Variants in CCSER1 observed in about 807,000 individuals in gnomAD.
CCSER1 encodes the protein serine-rich coiled-coil domain-containing protein 1.
A neutral mutation model predicts 82.0 loss-of-function variants in CCSER1; 41 were observed. The ratio of observed to expected loss-of-function variants is 0.50; its 90% CI spans 0.39 to 0.65. The LOEUF is 0.65. Ranked by LOEUF, CCSER1 falls within the 30% of genes least tolerant of loss-of-function variation. The probability of loss-of-function intolerance (pLI) is 0.00; values close to 1 mark genes in which losing one functional copy is unlikely to be tolerated. For missense variants in CCSER1, 1,119 were observed against 1,064.2 expected (o/e 1.05, Z -0.72); for synonymous variants, 414 against 383.9 (o/e 1.08, Z -0.92).
At chr4:90,574,987 A>G (rs1780579396) in intron 5 of CCSER1, among the ~76,000 whole-genome samples, 1 of 151,444 alleles carries the variant, frequency 6.6e-6, no homozygotes, top group African/African-American at 2.4e-5. Flanking sequence ...CTTGTTTTTT[A>G]CTATTTTCTC....
At chr4:90,993,451 C>T (rs897136924) in intron 9 of CCSER1, among the ~76,000 whole-genome samples, 5 of 150,236 alleles carry the variant, frequency 3.3e-5, no homozygotes, top group Non-Finnish European at 7.4e-5. Context: ...TATTATTATG[C>T]TTATTTCCTT....
At chr4:91,455,200 T>A (rs1367568437) in intron 10 of CCSER1, among the ~76,000 whole-genome samples, 1 of 152,086 alleles carries the variant, frequency 6.6e-6, no homozygotes, top group East Asian at 1.9e-4. Flanking sequence ...CTGTGTCACC[T>A]ATCCTGGGAT....
At chr4:90,880,710 C>A (rs1432820885) in intron 8 of CCSER1, among the ~76,000 whole-genome samples, 1 of 152,164 alleles carries the variant, frequency 6.6e-6, no homozygotes, top group African/African-American at 2.4e-5. Flanking sequence ...CAATGTACAT[C>A]TGGCCACTTT....
chr4:90,551,706 C>CTCTCTCTCTCTATATA lies in CCSER1; in HGVS notation c.1725-76318_1725-76317insCTCTCTCTCTATATAT. On this transcript the variant is annotated intron_variant, in intron 5 of 10. Transcript: ENST00000509176. ...TCTCTCTCTCTCTCTCTCTCTCTCT[C>CTCTCTCTCTCTATATA]TATATATATATATATATATATGTAA... Among the ~76,000 whole-genome samples the CTCTCTCTCTCTATATA allele has an allele frequency of 1.6e-3, 166 of 104,208 alleles. 1 individual carries two copies. Among genetic ancestry groups the CTCTCTCTCTCTATATA allele is most frequent in the African/African-American group, 3.3e-3 (73 of 21,910 alleles). The allele number at this position is 104,208 out of a possible 152,430, so 68.4% of individuals were successfully genotyped here. A position where few individuals can be genotyped will look rare whatever the true frequency, so the allele number is the denominator to read the frequency against.
chr4:91,070,589 C>G (rs953905656), intron 9 of CCSER1, among the ~76,000 whole-genome samples: 1 of 152,116 alleles, frequency 6.6e-6, no homozygotes, highest in African/African-American at 2.4e-5. Context: ...TGACATCTGC[C>G]TCCTGTGAGA....
chr4:90,327,873 C>CT (rs909463014), intron 3 of CCSER1, among the ~76,000 whole-genome samples: 9 of 152,028 alleles, frequency 5.9e-5, no homozygotes, highest in Non-Finnish European at 1.0e-4. Context: ...TGCCAATTTT[C>CT]TTTTTTTTAA....
At chr4:90,583,849 A>G (rs1183108652) in intron 5 of CCSER1, among the ~76,000 whole-genome samples, 1 of 152,198 alleles carries the variant, frequency 6.6e-6, no homozygotes, top group Non-Finnish European at 1.5e-5. Context: ...AATGTCAAAT[A>G]CAATTATTTT....
intron 7 of CCSER1, among the ~76,000 whole-genome samples, chr4:90,751,337 T>C (rs1024685175): frequency 2.0e-5 from 3 of 152,126 alleles, no homozygotes; most frequent in Non-Finnish European, 2.9e-5. Context: ...AATTAATACA[T>C]TTTTATGTGG....
At chr4:91,466,877 A>G (rs1269022348) in intron 10 of CCSER1, among the ~76,000 whole-genome samples, 1 of 152,218 alleles carries the variant, frequency 6.6e-6, no homozygotes, top group African/African-American at 2.4e-5. Flanking sequence ...ATGGAAGAAC[A>G]TTCCATGCTC....
chr4:91,282,832 T>G (rs1440385683), intron 10 of CCSER1, among the ~76,000 whole-genome samples: 1 of 152,122 alleles, frequency 6.6e-6, no homozygotes, highest in African/African-American at 2.4e-5. Flanking sequence ...CCTTAAAAAC[T>G]TAATGGTTCT....
chr4:90,876,278 C>A (rs1306673266), intron 8 of CCSER1, among the ~76,000 whole-genome samples: 1 of 151,706 alleles, frequency 6.6e-6, no homozygotes, highest in East Asian at 1.9e-4. Context: ...TAATGAAAAC[C>A]CAATTTTTAT....
intron 5 of CCSER1, among the ~76,000 whole-genome samples, chr4:90,592,760 G>A (rs971375396): frequency 2.6e-5 from 4 of 151,872 alleles, no homozygotes; most frequent in African/African-American, 4.8e-5. Context: ...AGTACGTTAT[G>A]GTTCTTTGTA....
intron 7 of CCSER1, among the ~76,000 whole-genome samples, chr4:90,752,413 G>A (rs559026854): frequency 6.6e-6 from 1 of 152,194 alleles, no homozygotes; most frequent in East Asian, 1.9e-4. Flanking sequence ...GAATTCACAG[G>A]AGGGGAGTCT....
intron 9 of CCSER1, among the ~76,000 whole-genome samples, chr4:91,019,105 AATAG>A (rs1739694406): frequency 6.6e-6 from 1 of 151,832 alleles, no homozygotes; most frequent in Non-Finnish European, 1.5e-5. Context: ...ATAATAAGAT[AATAG>A]ATATTTTTAT....
At position 91,551,270 on chromosome 4, in the gene CCSER1, T is replaced by C. The variant is rs1030386352; in HGVS notation, c.2218-47302T>C. Among the ~76,000 whole-genome samples the C allele has an allele frequency of 6.6e-5, 10 of 152,164 alleles. 1 individual carries two copies. Among genetic ancestry groups the C allele is most frequent in the African/African-American group, 2.4e-4 (10 of 41,438 alleles). On this transcript the variant is annotated intron_variant, in intron 10 of 10. Transcript: ENST00000509176. ...AATTGCTTAAAATATAGTTTTGCTA[T>C]ACAGTGCCTTTATAGATTAAAGGAA...
intron 10 of CCSER1, among the ~76,000 whole-genome samples, chr4:91,462,928 G>A (rs1756595855): frequency 6.6e-6 from 1 of 152,132 alleles, no homozygotes. Flanking sequence ...TCCACCTCTG[G>A]GGGCAGGGCA....
rs1333485915 is a variant in CCSER1, at chr4:91,296,126, T to C, written c.2217+210132T>C. Among the ~76,000 whole-genome samples the C allele has an allele frequency of 2.0e-5, 3 of 151,836 alleles. 1 individual carries two copies. Among genetic ancestry groups the C allele is most frequent in the Admixed American group, 2.0e-4 (3 of 15,214 alleles). On this transcript the variant is annotated intron_variant, in intron 10 of 10. Coordinates refer to ENST00000509176, the MANE Select transcript of CCSER1 (RefSeq NM_001145065.2). ...GTTTGTCTCAAGTCTGAGTGTATAA[T>C]GCCTTTCTAAAACAAAGTAATCATA...
chr4:91,568,890 G>C (rs2110277564), intron 10 of CCSER1, among the ~76,000 whole-genome samples: 1 of 152,214 alleles, frequency 6.6e-6, no homozygotes, highest in East Asian at 1.9e-4. Flanking sequence ...GAGAAATGGT[G>C]AGGTCATTTG....
intron 7 of CCSER1, among the ~76,000 whole-genome samples, chr4:90,738,451 C>T (rs1016534300): frequency 2.6e-5 from 4 of 152,064 alleles, no homozygotes; most frequent in African/African-American, 9.7e-5. Flanking sequence ...GTTGTTTTCT[C>T]TTACTTTCCC....
Sources: allele counts gnomAD v4.1 joint callset (sites outside exome capture counted in the v4.1 genomes callset), GRCh38; gene constraint gnomAD v4.1.1; transcripts MANE v1.5; gene names NCBI Gene and HGNC (gene_info 2026-07-23, HGNC 2026-07-21).